The following COG5 variants were observed in gnomAD, a reference collection of about 807,000 sequenced individuals.
COG5 encodes the protein component of oligomeric golgi complex 5, also known as conserved oligomeric Golgi complex subunit 5.
Under a neutral mutation model 110.4 loss-of-function variants are expected in COG5, and 86 were observed. The ratio of observed to expected loss-of-function variants is 0.78; its 90% confidence interval spans 0.65 to 0.93. The LOEUF (loss-of-function observed/expected upper bound fraction) is 0.93, where lower values mean the gene tolerates loss of function less well. COG5 is among the 40% of genes least tolerant of loss of function. The pLI, the probability that COG5 is intolerant of heterozygous loss-of-function variation, is 0.00. For missense variants in COG5, 1,077 were observed against 987.0 expected, an observed-to-expected ratio of 1.09 and a Z score of -1.22; for synonymous variants, 360 against 334.6, an observed-to-expected ratio of 1.08 and a Z score of -0.83.
intron 13 of COG5, among the ~76,000 whole-genome samples, chr7:107,282,462 A>T (rs1805246469): frequency 6.6e-6 from 1 of 152,226 alleles, no homozygotes; most frequent in Admixed American, 6.5e-5. Flanking sequence ...GGCAATCTAG[A>T]CAATTTGTAG....
chr7:107,379,598 C>CAAA (rs200972977), intron 7 of COG5, among the ~76,000 whole-genome samples: 7 of 73,120 alleles, frequency 9.6e-5, no homozygotes, highest in Middle Eastern at 7.6e-3. Flanking sequence ...AAATGGAAAG[C>CAAA]AAAAAAAAAA....
At chr7:107,423,527 A>G (rs1266219876) in intron 6 of COG5, among the ~76,000 whole-genome samples, 1 of 152,144 alleles carries the variant, frequency 6.6e-6, no homozygotes, top group South Asian at 2.1e-4. Context: ...ATTCTATACA[A>G]TGAGAGAGGG....
chr7:107,459,463 T>C (rs1795857213), intron 6 of COG5, among the ~76,000 whole-genome samples: 1 of 149,074 alleles, frequency 6.7e-6, no homozygotes, highest in Non-Finnish European at 1.5e-5. Context: ...TTCACAACTC[T>C]TTTTTTCAGT....
intron 6 of COG5, among the ~76,000 whole-genome samples, chr7:107,455,794 G>T (rs899304891): frequency 2.6e-5 from 4 of 151,170 alleles, no homozygotes; most frequent in Non-Finnish European, 4.4e-5. Flanking sequence ...GAGCAGATCT[G>T]TTGTTTGTTT....
chr7:107,364,664 T>C (rs1813437441), intron 8 of COG5, among the ~76,000 whole-genome samples: 1 of 152,218 alleles, frequency 6.6e-6, no homozygotes, highest in South Asian at 2.1e-4. Context: ...TCTATATCCC[T>C]GCTTTTAAGG....
chr7:107,273,327 G>A (rs1245263144), intron 14 of COG5, among the ~76,000 whole-genome samples: 2 of 152,178 alleles, frequency 1.3e-5, no homozygotes, highest in African/African-American at 4.8e-5. Flanking sequence ...TTGTATGTGG[G>A]TGTACGCTAG....
intron 16 of COG5, chr7:107,252,985 A>G (rs569437119): frequency 2.2e-4 from 34 of 152,314 alleles, no homozygotes; most frequent in African/African-American, 7.9e-4. Context: ...CTATACTTAC[A>G]ATAGTAAAAT....
At chr7:107,383,255 C>A (rs1037677940) in intron 7 of COG5, among the ~76,000 whole-genome samples, 2 of 152,126 alleles carry the variant, frequency 1.3e-5, no homozygotes, top group African/African-American at 4.8e-5. Flanking sequence ...CCATGCAACC[C>A]CTCCGAGACA....
intron 10 of COG5, among the ~76,000 whole-genome samples, chr7:107,331,663 G>A (rs1389286468): frequency 3.9e-5 from 6 of 152,070 alleles, no homozygotes; most frequent in Admixed American, 2.6e-4. Context: ...TGGGCCAGAA[G>A]ATGTATTTAT....
At chr7:107,277,067 T>C (rs1262037006) in intron 14 of COG5, among the ~76,000 whole-genome samples, 1 of 152,226 alleles carries the variant, frequency 6.6e-6, no homozygotes, top group African/African-American at 2.4e-5. Flanking sequence ...TATGAAATCA[T>C]CTAACTATAC....
At chr7:107,409,832 T>C (rs989690126) in intron 7 of COG5, among the ~76,000 whole-genome samples, 1 of 152,124 alleles carries the variant, frequency 6.6e-6, no homozygotes, top group Non-Finnish European at 1.5e-5. Context: ...GTAAGGAGTG[T>C]GACAAGATCA....
At chr7:107,379,123 T>C (rs1160896034) in intron 7 of COG5, among the ~76,000 whole-genome samples, 1 of 152,162 alleles carries the variant, frequency 6.6e-6, no homozygotes, top group Non-Finnish European at 1.5e-5. Flanking sequence ...CAATAAACAT[T>C]CTTAAAGAAA....
At chr7:107,246,067 T>G (rs1802031710) in intron 17 of COG5, among the ~76,000 whole-genome samples, 1 of 152,320 alleles carries the variant, frequency 6.6e-6, no homozygotes, top group Non-Finnish European at 1.5e-5. Flanking sequence ...GTCGCACATC[T>G]GTGACCATCT....
intron 5 of COG5, 149 bp from the exon 6 acceptor site, chr7:107,527,506 G>T: frequency 1.3e-6 from 1 of 797,432 alleles, no homozygotes; most frequent in Non-Finnish European, 2.0e-6. Flanking sequence ...ATGTATCCCG[G>T]AACTTAAATT....
At chr7:107,384,029 C>T (rs557125894) in intron 7 of COG5, among the ~76,000 whole-genome samples, 4 of 152,246 alleles carry the variant, frequency 2.6e-5, no homozygotes, top group Non-Finnish European at 4.4e-5. Flanking sequence ...TAGAAGGCCT[C>T]GGAATTTCTG....
chr7:107,475,176 A>G, intron 6 of COG5: 2 of 1,610,830 alleles, frequency 1.2e-6, no homozygotes, highest in South Asian at 1.1e-5. Context: ...TCACTAGACA[A>G]AAATTTCAAA....
At chr7:107,473,918 A>G in intron 6 of COG5, 1 of 518,300 alleles carries the variant, frequency 1.9e-6, no homozygotes, top group Admixed American at 3.7e-5. Flanking sequence ...TTAATAGTTT[A>G]CAAACTTAAA....
intron 10 of COG5, among the ~76,000 whole-genome samples, chr7:107,360,903 G>A (rs1365367653): frequency 1.3e-5 from 2 of 152,214 alleles, no homozygotes; most frequent in African/African-American, 2.4e-5. Context: ...CAGCGGGCAT[G>A]AGCGATATTC....
chr7:107,501,678 G>C (rs1438202216), intron 6 of COG5, among the ~76,000 whole-genome samples: 2 of 152,036 alleles, frequency 1.3e-5, no homozygotes, highest in Non-Finnish European at 2.9e-5. Context: ...AAAAAGGTTT[G>C]TGTGCTTGTG....
Sources: allele counts gnomAD v4.1 joint callset (sites outside exome capture counted in the v4.1 genomes callset), GRCh38; gene constraint gnomAD v4.1.1; transcripts MANE v1.5; gene names NCBI Gene and HGNC (gene_info 2026-07-23, HGNC 2026-07-21).